KLHDC10: variants seen among roughly 807,000 people sequenced by gnomAD.
KLHDC10 encodes kelch domain containing 10, also known as kelch domain-containing protein 10.
A neutral mutation model predicts 56.1 loss-of-function variants in KLHDC10; 24 were observed. That is an observed-to-expected ratio of 0.43 (90% CI 0.31 to 0.60). The LOEUF (loss-of-function observed/expected upper bound fraction) is 0.60. Among genes scored for constraint, KLHDC10 ranks in the 20% least tolerant of loss-of-function variants. The pLI is 0.11. For synonymous variants in KLHDC10, 188 were observed against 207.1 expected, an observed-to-expected ratio of 0.91 and a Z score of 0.79; for missense variants, 349 against 567.0, an observed-to-expected ratio of 0.62 and a Z score of 3.91.
intron 2 of KLHDC10, among the ~76,000 whole-genome samples, chr7:130,114,579 C>T (rs1181540435): frequency 1.3e-5 from 2 of 152,148 alleles, no homozygotes; most frequent in African/African-American, 4.8e-5. Context: ...TTCCACACCA[C>T]ACTTTCTGTT....
chr7:130,110,262 T>C (rs1236084931), intron 2 of KLHDC10, among the ~76,000 whole-genome samples: 7 of 152,262 alleles, frequency 4.6e-5, no homozygotes, highest in Non-Finnish European at 1.0e-4. Context: ...TAAGATGCTG[T>C]CTGTCCATGG....
chr7:130,107,535 CTT>C (rs1563102544), intron 2 of KLHDC10, among the ~76,000 whole-genome samples: 1 of 151,956 alleles, frequency 6.6e-6, no homozygotes, highest in South Asian at 2.1e-4. Flanking sequence ...AACAATGAAA[CTT>C]GATGAAATAC....
intron 4 of KLHDC10, among the ~76,000 whole-genome samples, chr7:130,121,820 G>A (rs555402422): frequency 6.6e-6 from 1 of 152,332 alleles, no homozygotes; most frequent in African/African-American, 2.4e-5. Flanking sequence ...ATCATCTTGG[G>A]AGGTAGGACT....
In KLHDC10 at chr7:130,130,426, A is replaced by C; in HGVS notation, c.1120-111A>C. 1.2e-6 allele frequency: 1 copy of C among 806,446 alleles called. No individual in the cohort carries two copies. The highest frequency in any genetic ancestry group is 2.1e-6 in the Non-Finnish European group (1 of 474,336). The allele number at this position is 806,446 out of a possible 1,614,324, so 50.0% of individuals were successfully genotyped here. A position where few individuals can be genotyped will look rare whatever the true frequency, so the allele number is the denominator to read the frequency against. On this transcript the variant is annotated intron_variant, in intron 9 of 9. Transcript: ENST00000335420. This position sits in a 1 kb window ranked among gnomAD's most constrained non-coding sequence, Gnocchi z 4.2. ...CACATGGTATTGGGATCAGTGAGGA[A>C]TTCTTGTTTCATTTCATTTTGATTC...
chr7:130,081,200 G>A (rs1003392967), intron 1 of KLHDC10, among the ~76,000 whole-genome samples: 2 of 151,704 alleles, frequency 1.3e-5, no homozygotes, highest in African/African-American at 4.8e-5. Context: ...GGGTTTCACC[G>A]TGTTTAGCCA....
rs778803072 is a variant in KLHDC10, at chr7:130,120,713, C to G, written c.476-36C>G. ...TATGTGGGAACAAATTGCAGGTAGC[C>G]ATTTGTGAACAGAACTTGTGCTTCT... On this transcript the variant is annotated intron_variant, in intron 3 of 9. Coordinates refer to ENST00000335420, the MANE Select transcript of KLHDC10 (RefSeq NM_014997.4). The surrounding 1 kb of genome is among the most constrained non-coding windows in gnomAD (Gnocchi z 5.1). The G allele has an allele frequency of 2.1e-5, 34 of 1,607,696 alleles. No homozygotes were observed. Among genetic ancestry groups the G allele is most frequent in the South Asian group, 6.6e-5 (6 of 90,340 alleles).
chr7:130,108,556 C>CATAAAAAAAAAA (rs1335429672), intron 2 of KLHDC10, among the ~76,000 whole-genome samples: 6 of 85,660 alleles, frequency 7.0e-5, no homozygotes, highest in African/African-American at 2.6e-4. Flanking sequence ...ACCAAATATC[C>CATAAAAAAAAAA]AAAAAAAAAA....
At chr7:130,113,912 A>G (rs1796134356) in intron 2 of KLHDC10, among the ~76,000 whole-genome samples, 1 of 152,152 alleles carries the variant, frequency 6.6e-6, no homozygotes, top group African/African-American at 2.4e-5. Flanking sequence ...GAACATAGCA[A>G]CTCTGTTAGA....
In KLHDC10 at chr7:130,114,337, A is replaced by G. The variant is rs936978627; in HGVS notation, c.254-2108A>G. 2.0e-5 allele frequency among the ~76,000 whole-genome samples: 3 copies of G among 152,256 alleles called. No homozygotes were observed. The East Asian group carries it at 5.8e-4, about 29-fold the overall frequency. On this transcript the variant is annotated intron_variant, in intron 2 of 9. Transcript: ENST00000335420. ...GAGGCTTGGTTATAGAAAGGTAAAT[A>G]CAAATGTATTCCTTTTCCCTCAAAT...
At chr7:130,123,868 T>A (rs1039021879) in intron 5 of KLHDC10, among the ~76,000 whole-genome samples, 1 of 152,240 alleles carries the variant, frequency 6.6e-6, no homozygotes, top group Non-Finnish European at 1.5e-5. Context: ...TTAGCTAGAC[T>A]GCCTGGATGA....
intron 1 of KLHDC10, among the ~76,000 whole-genome samples, chr7:130,074,636 T>C (rs994522556): frequency 1.1e-4 from 16 of 150,730 alleles, no homozygotes; most frequent in Admixed American, 6.6e-5. Context: ...TTTTTTTTTT[T>C]CTGAGATGGA....
At chr7:130,119,710 G>C (rs548724911) in intron 3 of KLHDC10, among the ~76,000 whole-genome samples, 1 of 152,002 alleles carries the variant, frequency 6.6e-6, no homozygotes, top group South Asian at 2.1e-4. Flanking sequence ...TGGGCATGGT[G>C]GTGGGCACCT....
chr7:130,119,936 G>A (rs1205144535), intron 3 of KLHDC10, among the ~76,000 whole-genome samples: 2 of 151,926 alleles, frequency 1.3e-5, no homozygotes, highest in African/African-American at 4.8e-5. Context: ...GAGAATACGT[G>A]TGTACAGTGT....
At chr7:130,103,154 G>A (rs1286025147) in intron 2 of KLHDC10, among the ~76,000 whole-genome samples, 9 of 152,022 alleles carry the variant, frequency 5.9e-5, no homozygotes, top group Non-Finnish European at 7.4e-5. Context: ...GGCCAGGCAC[G>A]GTGGCTCACA....
intron 8 of KLHDC10, 90 bp downstream of exon 8, chr7:130,127,541 G>T: frequency 1.1e-6 from 1 of 886,856 alleles, no homozygotes; most frequent in East Asian, 2.4e-5. Context: ...CTCAAAAGAG[G>T]CTCATAACTT....
chr7:130,128,887 A>ATATATATAT (rs1434178196), intron 8 of KLHDC10, among the ~76,000 whole-genome samples: 31 of 68,224 alleles, frequency 4.5e-4, no homozygotes, highest in African/African-American at 2.0e-3. Flanking sequence ...AAAAAAAAAA[A>ATATATATAT]AAATATATAT....
At chr7:130,126,586 G>T (rs777761676) in intron 7 of KLHDC10, among the ~76,000 whole-genome samples, 22 of 151,922 alleles carry the variant, frequency 1.4e-4, no homozygotes, top group Non-Finnish European at 2.8e-4. Flanking sequence ...TGAGGCAGGA[G>T]AATTGTTTGA....
Position 130,127,525 on chromosome 7 carries a change from A to G in KLHDC10, c.979+74A>G. On this transcript the variant is annotated intron_variant, in intron 8 of 9. Transcript: ENST00000335420. Reference sequence around the variant, plus strand: ...CTGAAAATGTCTTATTTCCTAAGATAGCCCCCTCAAAAGAGGCTCATAACT... The same window carrying G: ...CTGAAAATGTCTTATTTCCTAAGATGGCCCCCTCAAAAGAGGCTCATAACT... 3 of 1,074,628 alleles carry G rather than the reference A, an allele frequency of 2.8e-6. No individual in the cohort carries two copies. In the South Asian group the frequency reaches 3.9e-5, roughly 14 times the overall value. The allele number at this position is 1,074,628 out of a possible 1,614,324, so 66.6% of individuals were successfully genotyped here.
intron 2 of KLHDC10, among the ~76,000 whole-genome samples, chr7:130,106,576 G>A (rs1324154147): frequency 6.6e-6 from 1 of 152,184 alleles, no homozygotes; most frequent in Admixed American, 6.5e-5. Context: ...TGACTTTGCT[G>A]TATTAAATAA....
Sources: gnomAD v4.1 joint callset for allele counts (sites outside exome capture counted in the v4.1 genomes callset) on GRCh38, gnomAD v4.1.1 for gene constraint, Gnocchi (gnomAD v3.1) non-coding constraint, MANE v1.5 for transcripts, NCBI Gene and HGNC (gene_info 2026-07-23, HGNC 2026-07-21) for gene names.